Variants in ERC1 observed in about 807,000 individuals in gnomAD.
ERC1 encodes RAB6 interacting protein 2.
ERC1 carries 56 observed loss-of-function variants against 132.0 expected under a neutral mutation model. The ratio of observed to expected loss-of-function variants is 0.42; its 90% CI spans 0.34 to 0.53. The LOEUF (loss-of-function observed/expected upper bound fraction) is 0.53, where lower values mean the gene tolerates loss of function less well. ERC1 is among the 20% of genes least tolerant of loss of function. The probability of loss-of-function intolerance (pLI) is 0.03; values close to 1 mark genes in which losing one functional copy is unlikely to be tolerated. For synonymous variants in ERC1, 478 were observed against 476.1 expected, an observed-to-expected ratio of 1.00 and a Z score of -0.05; for missense variants, 1,202 against 1,349.9, an observed-to-expected ratio of 0.89 and a Z score of 1.72.
At chr12:1,413,706 A>G (rs1027876428) in intron 17 of ERC1, among the ~76,000 whole-genome samples, 19 of 152,272 alleles carry the variant, frequency 1.2e-4, no homozygotes, top group African/African-American at 4.3e-4. Flanking sequence ...GTAGAATTTG[A>G]GCATGATTTG....
chr12:1,425,604 C>T (rs1356711721), intron 17 of ERC1, among the ~76,000 whole-genome samples: 1 of 152,206 alleles, frequency 6.6e-6, no homozygotes, highest in African/African-American at 2.4e-5. Flanking sequence ...AGTGTGTTTT[C>T]GGCTTCACAG....
intron 16 of ERC1, among the ~76,000 whole-genome samples, chr12:1,381,777 G>A (rs1032073200): frequency 6.6e-6 from 1 of 152,132 alleles, no homozygotes; most frequent in Non-Finnish European, 1.5e-5. Flanking sequence ...TTCTCTTCAA[G>A]ACTCATCATG....
Position 1,388,526 on chromosome 12 carries a change from C to T in ERC1, c.2925+16549C>T, listed in dbSNP as rs142658831. Among the ~76,000 whole-genome samples the T allele has an allele frequency of 7.0e-3, 1,071 of 152,144 alleles. 6 individuals carry two copies. The highest frequency in any genetic ancestry group is 0.022 in the African/African-American group (927 of 41,496). ...TGGGCAGTGACGTGAGACTCCAGAG[C>T]CAGGAGGAGACAGGTCACGGAGAGC... is the stretch of plus-strand genomic sequence containing the variant. On this transcript the variant is annotated intron_variant, in intron 16 of 18. Coordinates refer to ENST00000360905, the MANE Select transcript of ERC1 (RefSeq NM_178040.4).
chr12:1,440,365 C>A (rs1290912620), intron 17 of ERC1, among the ~76,000 whole-genome samples: 8 of 149,702 alleles, frequency 5.3e-5, no homozygotes, highest in Non-Finnish European at 7.4e-5. Context: ...CCACCACGCC[C>A]GGCTAATTTT....
chr12:1,176,831 G>C (rs1380317144), intron 8 of ERC1, among the ~76,000 whole-genome samples: 1 of 152,170 alleles, frequency 6.6e-6, no homozygotes, highest in African/African-American at 2.4e-5. Context: ...ATAAAAGGCT[G>C]TTTCATCTAT....
At chr12:1,225,389 G>T (rs925499870) in intron 12 of ERC1, among the ~76,000 whole-genome samples, 1 of 151,218 alleles carries the variant, frequency 6.6e-6, no homozygotes, top group South Asian at 2.1e-4. Context: ...GTTCAAGGCT[G>T]TAGTGAGCTA....
chr12:1,099,516 T>C (rs1043336377), intron 3 of ERC1, among the ~76,000 whole-genome samples: 6 of 152,362 alleles, frequency 3.9e-5, no homozygotes, highest in African/African-American at 1.4e-4. Flanking sequence ...CGTCAGGATC[T>C]CCTAATTACT....
chr12:1,452,429 A>G (rs1432127765), intron 18 of ERC1, among the ~76,000 whole-genome samples: 2 of 151,954 alleles, frequency 1.3e-5, no homozygotes, highest in Non-Finnish European at 2.9e-5. Context: ...CTGTATATCT[A>G]TCTTGTTTGG....
intron 12 of ERC1, among the ~76,000 whole-genome samples, chr12:1,235,034 A>G (rs1189242141): frequency 1.3e-5 from 2 of 152,218 alleles, no homozygotes; most frequent in African/African-American, 2.4e-5. Context: ...ATGTCACAAA[A>G]TTGTATATTA....
intron 8 of ERC1, among the ~76,000 whole-genome samples, chr12:1,170,228 G>A (rs1952904500): frequency 1.3e-5 from 2 of 151,942 alleles, no homozygotes; most frequent in Non-Finnish European, 2.9e-5. Flanking sequence ...GAATTGTAAT[G>A]GTATAATATT....
chr12:1,402,903 AC>A (rs2091195238), intron 16 of ERC1, among the ~76,000 whole-genome samples: 1 of 150,830 alleles, frequency 6.6e-6, no homozygotes, highest in South Asian at 2.1e-4. Context: ...AGAACCTGCA[AC>A]TGAACTCTCA....
intron 18 of ERC1, among the ~76,000 whole-genome samples, chr12:1,454,244 C>G (rs1044447423): frequency 1.3e-5 from 2 of 152,224 alleles, no homozygotes; most frequent in Non-Finnish European, 2.9e-5. Flanking sequence ...CTCCACACCC[C>G]TCTCCATGTG....
At chr12:1,044,106 C>T (rs1280827776) in intron 2 of ERC1, among the ~76,000 whole-genome samples, 2 of 152,110 alleles carry the variant, frequency 1.3e-5, no homozygotes, top group Non-Finnish European at 2.9e-5. Flanking sequence ...CTGAAATTCA[C>T]TGGTGTCATA....
Position 1,490,797 on chromosome 12 carries a change from G to A in ERC1, c.*567G>A, listed in dbSNP as rs900040857. On this transcript the variant is annotated 3_prime_UTR_variant, in exon 19 of 19. Transcript: ENST00000360905. ...CTTCTGCTTACTTTCCACATGAGAT[G>A]CTTTGTACCGGGGAGCTGTGAGCAG... 1.7e-5 allele frequency: 4 copies of A among 233,650 alleles called. No individual in the cohort carries two copies. The highest frequency in any genetic ancestry group is 8.8e-5 in the African/African-American group (4 of 45,344). 14.5% of individuals were successfully genotyped at this position (233,650 alleles called of 1,614,324 possible).
chr12:1,383,014 G>A (rs944119147), intron 16 of ERC1, among the ~76,000 whole-genome samples: 5 of 152,042 alleles, frequency 3.3e-5, no homozygotes, highest in African/African-American at 9.7e-5. Context: ...TTTTTTTGTC[G>A]TCATTTCCAG....
At chr12:1,358,062 A>AT (rs1366367143) in intron 15 of ERC1, among the ~76,000 whole-genome samples, 2 of 152,084 alleles carry the variant, frequency 1.3e-5, no homozygotes, top group Non-Finnish European at 2.9e-5. Flanking sequence ...GCCCAAGAAT[A>AT]TATTATAGGA....
At chr12:1,126,761 G>A (rs150016222) in intron 7 of ERC1, among the ~76,000 whole-genome samples, 2,088 of 152,004 alleles carry the variant, frequency 0.014, 52 homozygotes, top group African/African-American at 0.045. Context: ...AGGCTGAAGC[G>A]GGCGGATCAT....
At chr12:1,093,236 A>T (rs573523148) in intron 3 of ERC1, among the ~76,000 whole-genome samples, 1 of 152,206 alleles carries the variant, frequency 6.6e-6, no homozygotes, top group African/African-American at 2.4e-5. Flanking sequence ...TAAGATTTCA[A>T]TGAAGCATTG....
At chr12:1,099,288 T>C (rs973428590) in intron 3 of ERC1, among the ~76,000 whole-genome samples, 1 of 152,202 alleles carries the variant, frequency 6.6e-6, no homozygotes, top group Non-Finnish European at 1.5e-5. Context: ...GGCAGGCATT[T>C]GAACACCTTG....
Sources: allele counts gnomAD v4.1 joint callset (sites outside exome capture counted in the v4.1 genomes callset), GRCh38; gene constraint gnomAD v4.1.1; transcripts MANE v1.5; gene names NCBI Gene and HGNC (gene_info 2026-07-23, HGNC 2026-07-21).